The following OSBPL10 variants were observed in gnomAD, a reference collection of about 807,000 sequenced individuals.
OSBPL10 encodes oxysterol-binding protein-related protein 10.
OSBPL10 carries 49 observed loss-of-function variants against 81.7 expected under a neutral mutation model. That is an observed-to-expected ratio of 0.60 (90% CI 0.48 to 0.76). The LOEUF (loss-of-function observed/expected upper bound fraction) is 0.76. Among genes scored for constraint, OSBPL10 ranks in the 30% least tolerant of loss-of-function variants. OSBPL10 has a pLI of 0.00. For synonymous variants in OSBPL10, 419 were observed against 383.6 expected (o/e 1.09, Z -1.08); for missense variants, 923 against 987.8 (o/e 0.93, Z 0.88).
At chr3:31,678,936 A>C (rs1310558907) in intron 8 of OSBPL10, among the ~76,000 whole-genome samples, 2 of 152,136 alleles carry the variant, frequency 1.3e-5, no homozygotes, top group East Asian at 3.9e-4. Flanking sequence ...CAGCCAACAC[A>C]GGGATGCTAA....
intron 4 of OSBPL10, among the ~76,000 whole-genome samples, chr3:31,771,397 A>C (rs1698376184): frequency 1.3e-5 from 2 of 152,054 alleles, no homozygotes; most frequent in Non-Finnish European, 2.9e-5. Context: ...CAGTGTCCTT[A>C]TGCAAAGGCT....
rs78118472 is a variant in OSBPL10 at position 31,829,047 on chromosome 3, A to C, written c.729+993T>G. ...CCTTCCTGGGCCAGATTCAGAACCA[A>C]GATAGTCAGCTAACAGAGCACTACC... is the stretch of plus-strand genomic sequence containing the variant. On this transcript the variant is annotated intron_variant, in intron 4 of 11. Coordinates refer to ENST00000396556, the MANE Select transcript of OSBPL10 (RefSeq NM_017784.5). Among the ~76,000 whole-genome samples the C allele has an allele frequency of 5.6e-3, 848 of 152,368 alleles. 5 individuals are homozygous for C. The highest frequency in any genetic ancestry group is 9.4e-3 in the Non-Finnish European group (640 of 68,038).
At chr3:31,998,012 C>G (rs1459095314) in intron 2 of OSBPL10, among the ~76,000 whole-genome samples, 1 of 152,014 alleles carries the variant, frequency 6.6e-6, no homozygotes, top group African/African-American at 2.4e-5. Context: ...AGACTGGTCT[C>G]AGACTCCTGA....
intron 6 of OSBPL10, among the ~76,000 whole-genome samples, chr3:31,723,572 C>CACACACACACACACACACACA (rs753039730): frequency 2.9e-4 from 42 of 146,758 alleles, no homozygotes; most frequent in African/African-American, 1.0e-3. Flanking sequence ...ACACACACAC[C>CACACACACACACACACACACA]CCTTTCCCTC....
chr3:31,907,619 C>CAAAAAAAAAAAAAAAAAAAA (rs142840420), intron 1 of OSBPL10, among the ~76,000 whole-genome samples: 1 of 63,862 alleles, frequency 1.6e-5, no homozygotes, highest in African/African-American at 6.9e-5. Flanking sequence ...ACCTCCATCT[C>CAAAAAAAAAAAAAAAAAAAA]AAAAAAAAAA....
intron 1 of OSBPL10, among the ~76,000 whole-genome samples, chr3:32,054,160 A>C (rs1466898346): frequency 6.6e-6 from 1 of 152,228 alleles, no homozygotes; most frequent in Non-Finnish European, 1.5e-5. Context: ...GACTTATGGT[A>C]ACCTGGGATT....
At chr3:31,839,979 G>T (rs1289013527) in intron 3 of OSBPL10, among the ~76,000 whole-genome samples, 1 of 149,860 alleles carries the variant, frequency 6.7e-6, no homozygotes, top group Non-Finnish European at 1.5e-5. Context: ...GGTCTACATG[G>T]AATGGATCAT....
intron 2 of OSBPL10, among the ~76,000 whole-genome samples, chr3:32,034,709 G>A (rs142457880): frequency 2.0e-5 from 3 of 152,126 alleles, no homozygotes; most frequent in Non-Finnish European, 4.4e-5. Context: ...TAATCAGTGA[G>A]TCAATGTCAG....
intron 4 of OSBPL10, among the ~76,000 whole-genome samples, chr3:31,758,679 G>A (rs1303974736): frequency 6.6e-6 from 1 of 152,198 alleles, no homozygotes; most frequent in East Asian, 1.9e-4. Flanking sequence ...TTTGATGTCA[G>A]AGGGCTGAAA....
At chr3:32,063,494 C>T (rs538408201) in intron 1 of OSBPL10, among the ~76,000 whole-genome samples, 1 of 92,262 alleles carries the variant, frequency 1.1e-5, no homozygotes, top group East Asian at 2.5e-4. Context: ...GAACCTTCCT[C>T]GTCAAATTTT....
At chr3:31,936,680 T>G (rs148260639) in intron 1 of OSBPL10, among the ~76,000 whole-genome samples, 1 of 152,298 alleles carries the variant, frequency 6.6e-6, no homozygotes, top group African/African-American at 2.4e-5. Flanking sequence ...AGTGGCATTT[T>G]TTATTTCCTG....
intron 5 of OSBPL10, among the ~76,000 whole-genome samples, chr3:31,739,518 G>A (rs1697277678): frequency 1.3e-5 from 2 of 152,176 alleles, no homozygotes. Context: ...AAAAAATGTA[G>A]GGTCCTGATC....
chr3:31,847,582 T>C (rs1700665213), intron 3 of OSBPL10, among the ~76,000 whole-genome samples: 2 of 152,116 alleles, frequency 1.3e-5, no homozygotes, highest in Non-Finnish European at 2.9e-5. Context: ...CCAATCCATA[T>C]CTGTGTTGAC....
intron 3 of OSBPL10, among the ~76,000 whole-genome samples, chr3:31,838,528 A>C (rs1318145585): frequency 9.9e-6 from 1 of 100,708 alleles, no homozygotes; most frequent in African/African-American, 3.3e-5. Context: ...AAAAAAAAAA[A>C]AAAAAAAAAC....
intron 4 of OSBPL10, among the ~76,000 whole-genome samples, chr3:31,765,659 C>A (rs1458439304): frequency 6.6e-6 from 1 of 152,148 alleles, no homozygotes; most frequent in East Asian, 1.9e-4. Context: ...TACACCCAAT[C>A]TAAGTGACAG....
intron 5 of OSBPL10, among the ~76,000 whole-genome samples, chr3:31,745,315 T>C (rs1697486869): frequency 6.6e-6 from 1 of 152,236 alleles, no homozygotes; most frequent in Non-Finnish European, 1.5e-5. Context: ...CTGAAGTATG[T>C]AATAGTGAAG....
intron 5 of OSBPL10, among the ~76,000 whole-genome samples, chr3:31,735,054 G>A (rs990191813): frequency 3.9e-5 from 6 of 152,254 alleles, no homozygotes; most frequent in Admixed American, 3.3e-4. Flanking sequence ...GTGTGCTGCT[G>A]TATGCAGTAT....
At position 31,999,271 on chromosome 3, in the gene OSBPL10, T is replaced by A. The variant is rs1699120833; in HGVS notation, n.298+47220A>T. Among the ~76,000 whole-genome samples the A allele has an allele frequency of 2.6e-5, 4 of 152,310 alleles. No homozygotes were observed. In the South Asian group the frequency reaches 8.3e-4, roughly 32 times the overall value. On this transcript the variant is annotated intron_variant and non_coding_transcript_variant, in intron 2 of 3. Coordinates refer to the OSBPL10 transcript ENST00000479173. ...TAACCTGATTCCCCTATGTCAGTGA[T>A]GATAACATGGCCCAGATTGTTTTCA...
chr3:32,039,072 C>T (rs2125557365), intron 2 of OSBPL10, among the ~76,000 whole-genome samples: 1 of 152,108 alleles, frequency 6.6e-6, no homozygotes, highest in East Asian at 1.9e-4. Flanking sequence ...TGCCTGTAAT[C>T]CTAGCACTTT....
Sources: allele counts gnomAD v4.1 joint callset (sites outside exome capture counted in the v4.1 genomes callset), GRCh38; gene constraint gnomAD v4.1.1; transcripts MANE v1.5; gene names NCBI Gene and HGNC (gene_info 2026-07-23, HGNC 2026-07-21).